ZNF579: variants seen among roughly 807,000 people sequenced by gnomAD.
The protein encoded by ZNF579 is zinc finger protein 579.
A neutral mutation model predicts 5.7 loss-of-function variants in ZNF579; 3 were observed. The observed-to-expected ratio is 0.53, with a 90% CI of 0.24 to 1.36. The LOEUF (loss-of-function observed/expected upper bound fraction) is 1.36, where lower values mean the gene tolerates loss of function less well. Among genes scored for constraint, ZNF579 ranks in the 40% most tolerant of loss-of-function variants. The pLI is 0.16. For synonymous variants in ZNF579, 454 were observed against 409.0 expected, an observed-to-expected ratio of 1.11 and a Z score of -1.33; for missense variants, 679 against 877.6, an observed-to-expected ratio of 0.77 and a Z score of 2.86.
rs1403869756 is a variant in ZNF579 at position 55,579,161 on chromosome 19, C to A, written c.479G>T (p.Gly160Val). Residue 160 changes from glycine to valine, a missense_variant, in exon 2 of 2, where the codon GGG (glycine) becomes GTG (valine). By Grantham distance (109) the Gly-to-Val change is moderately radical (BLOSUM62 -3). This residue lies in a region of ZNF579 where 209 missense variants were observed against 223.4 expected (regional missense o/e 0.94). Transcript: ENST00000325421. ...GSEPPTTAAAGATEEEAVAAW... is the reference protein window; with the variant it reads ...GSEPPTTAAAVATEEEAVAAW... ...TGCGACCGCCTCCTCCTCCGTGGCC[C>A]CTGCTGCAGCGGTGGTGGGCGGCTC... 6.6e-7 allele frequency: 1 copy of A among 1,525,356 alleles called. No individual in the cohort carries two copies. The highest frequency in any genetic ancestry group is 1.2e-5 in the South Asian group (1 of 83,532). 94.5% of individuals were successfully genotyped at this position (1,525,356 alleles called of 1,614,324 possible).
Position 55,577,884 on chromosome 19 carries a change from A to G in ZNF579, c.*67T>C. 3.9e-6 allele frequency: 6 copies of G among 1,537,074 alleles called. No homozygotes were observed. ...GGTAGACAGAGGAGGTGGCTCCTTC[A>G]ACTTCCCTCCTCCATTCTGCAAACC... On this transcript the variant is annotated 3_prime_UTR_variant, in exon 2 of 2. Coordinates refer to ENST00000325421, the MANE Select transcript of ZNF579 (RefSeq NM_152600.3).
Position 55,578,560 on chromosome 19 carries a change from G to T in ZNF579, c.1080C>A (p.Ala360=). 7.0e-7 allele frequency: 1 copy of T among 1,434,502 alleles called. No homozygotes were observed. The highest frequency in any genetic ancestry group is 2.7e-5 in the East Asian group (1 of 36,636). The allele number at this position is 1,434,502 out of a possible 1,614,324, so 88.9% of individuals were successfully genotyped here. A position where few individuals can be genotyped will look rare whatever the true frequency, so the allele number is the denominator to read the frequency against. ...EGGEGAECGG[A]SEGGEGQNGG... is the part of the protein sequence containing the mutation. Reference sequence around the variant, plus strand: ...CGTTCTGCCCTTCTCCCCCTTCCGAGGCACCCCCGCACTCCGCCCCCTCGC... The same window carrying T: ...CGTTCTGCCCTTCTCCCCCTTCCGATGCACCCCCGCACTCCGCCCCCTCGC... Residue 360 remains alanine, a synonymous_variant, in exon 2 of 2, where the codon GCC becomes GCA. Coordinates refer to ENST00000325421, the MANE Select transcript of ZNF579 (RefSeq NM_152600.3).
chr19:55,578,773 C>A lies in ZNF579; in HGVS notation c.867G>T (p.Arg289=). The A allele has an allele frequency of 6.2e-7, 1 of 1,602,212 alleles. No individual in the cohort carries two copies. Among genetic ancestry groups the A allele is most frequent in the Non-Finnish European group, 8.5e-7 (1 of 1,175,106 alleles). The part of the protein sequence containing the change: ...FARPWSLSRH[R]LVHSTDRPFV... Reference sequence around the variant, plus strand: ...AAGGGCGGTCGGTGGAGTGGACCAGCCGGTGGCGCGACAGGGACCAGGGCC... The same window carrying A: ...AAGGGCGGTCGGTGGAGTGGACCAGACGGTGGCGCGACAGGGACCAGGGCC... The change falls in exon 2 of 2, where the codon CGG becomes CGT. Residue 289 remains arginine (R), a synonymous_variant. Transcript: ENST00000325421.
rs1599968846 is a variant in ZNF579, at chr19:55,578,585, C to A, written c.1055G>T (p.Gly352Val). 2.7e-6 allele frequency: 4 copies of A among 1,483,128 alleles called. No homozygotes were observed. Among genetic ancestry groups the A allele is most frequent in the Non-Finnish European group, 3.5e-6 (4 of 1,127,590 alleles). The allele number at this position is 1,483,128 out of a possible 1,614,324, so 91.9% of individuals were successfully genotyped here. The change falls in exon 2 of 2, where the codon GGC becomes GTC. Residue 352 changes from glycine (G) to valine (V), a missense_variant. Coordinates refer to ENST00000325421, the MANE Select transcript of ZNF579 (RefSeq NM_152600.3). ...ARNSAKGPEGGEGAECGGASE... is the reference protein window; with the variant it reads ...ARNSAKGPEGVEGAECGGASE... ...GGCACCCCCGCACTCCGCCCCCTCG[C>A]CCCCCTCCGGCCCCTTGGCTGAGTT...
chr19:55,578,899 C>T lies in ZNF579; in HGVS notation c.741G>A (p.Ala247=). Residue 247 remains alanine, a synonymous_variant, in exon 2 of 2, where the codon GCG becomes GCA. Coordinates refer to ENST00000325421, the MANE Select transcript of ZNF579 (RefSeq NM_152600.3). ...CGCCCTCGGGGCGCAGACACGGGTGCGCCTTGAGCTCGCCCTTGGTGGCGA... is the reference window on the plus strand; with the variant it reads ...CGCCCTCGGGGCGCAGACACGGGTGTGCCTTGAGCTCGCCCTTGGTGGCGA... ...EAFATKGELK[A]HPCLRPEGEQ... 3 of 1,590,634 alleles carry T rather than the reference C, an allele frequency of 1.9e-6. No homozygotes were observed. Among genetic ancestry groups the T allele is most frequent in the South Asian group, 1.1e-5 (1 of 88,484 alleles).
In ZNF579 at chr19:55,579,436, C is replaced by T. The variant is rs1280318558; in HGVS notation, c.204G>A (p.Gly68=). The change falls in exon 2 of 2, where the codon GGG becomes GGA. Residue 68 remains glycine (G), a synonymous_variant. Transcript: ENST00000325421. The part of the protein sequence containing the change: ...YLSRHRLSHS[G]LRPHACPLCP... ...ACAGCGGGCAGGCGTGGGGCCGGAG[C>T]CCCGAGTGGCTCAGCCGGTGCCGGG... 1 of 1,337,026 alleles carries T rather than the reference C, an allele frequency of 7.5e-7. No homozygotes were observed. Among genetic ancestry groups the T allele is most frequent in the Non-Finnish European group, 9.6e-7 (1 of 1,041,754 alleles). The allele number at this position is 1,337,026 out of a possible 1,614,324, so 82.8% of individuals were successfully genotyped here.
In ZNF579 at chr19:55,578,171, G is replaced by A; in HGVS notation, c.1469C>T (p.Pro490Leu). ...TTCTTCCTCCTGCTCGGCCTTCAGG[G>A]GCGGCGGGGGCGGTGGCGGCGACGT... is the stretch of plus-strand genomic sequence containing the variant. ...APTSPPPPPP[P>L]LKAEQEEEGL... Residue 490 changes from proline to leucine, a missense_variant, in exon 2 of 2, where the codon CCC becomes CTC. Coordinates refer to ENST00000325421, the MANE Select transcript of ZNF579 (RefSeq NM_152600.3). The A allele has an allele frequency of 6.7e-7, 1 of 1,503,594 alleles. No homozygotes were observed. Among genetic ancestry groups the A allele is most frequent in the Non-Finnish European group, 8.9e-7 (1 of 1,127,244 alleles). The allele number at this position is 1,503,594 out of a possible 1,614,324, so 93.1% of individuals were successfully genotyped here.
chr19:55,579,577 G>A lies in ZNF579; in HGVS notation c.63C>T (p.Gly21=). ...GSPPHRGRGR[G]RGRGRGRGRG... ...GGCCCCGACCACGGCCTCGGCCACG[G>A]CCCCGGCCTCGGCCACGGTGAGGTG... The change falls in exon 2 of 2, where the codon GGC becomes GGT. Residue 21 remains glycine, a synonymous_variant. Coordinates refer to ENST00000325421, the MANE Select transcript of ZNF579 (RefSeq NM_152600.3). 1 of 1,494,788 alleles carries A rather than the reference G, an allele frequency of 6.7e-7. No homozygotes were observed. The highest frequency in any genetic ancestry group is 2.2e-5 in the Admixed American group (1 of 44,770). 92.6% of individuals were successfully genotyped at this position (1,494,788 alleles called of 1,614,324 possible).
Position 55,578,524 on chromosome 19 carries a change from G to A in ZNF579, c.1116C>T (p.Ala372=), listed in dbSNP as rs538352819. 337 of 1,392,298 alleles carry A rather than the reference G, an allele frequency of 2.4e-4. No individual in the cohort carries two copies. Among genetic ancestry groups the A allele is most frequent in the Middle Eastern group, 7.2e-4 (3 of 4,146 alleles). The allele number at this position is 1,392,298 out of a possible 1,614,324, so 86.2% of individuals were successfully genotyped here. A position where few individuals can be genotyped will look rare whatever the true frequency, so the allele number is the denominator to read the frequency against. Reference sequence around the variant, plus strand: ...CCCCGGCGGGGGGCCGAGCCGGGGCGGCGTCGCCTCCGTTCTGCCCTTCTC... The same window carrying A: ...CCCCGGCGGGGGGCCGAGCCGGGGCAGCGTCGCCTCCGTTCTGCCCTTCTC... ...EGGEGQNGGD[A]APARPPAGEP... The change falls in exon 2 of 2, where the codon GCC becomes GCT. Residue 372 remains alanine, a synonymous_variant. Transcript: ENST00000325421.
chr19:55,579,847 A>AGACAGAGC, intron 1 of ZNF579: 1 of 478,794 alleles, frequency 2.1e-6, no homozygotes, highest in Non-Finnish European at 3.5e-6. Context: ...GAGAGATCAG[A>AGACAGAGC]GACAGAGCGA....
Position 55,577,916 on chromosome 19 carries a change from C to T in ZNF579, c.*35G>A. 1.3e-6 allele frequency: 2 copies of T among 1,556,142 alleles called. No individual in the cohort carries two copies. The highest frequency in any genetic ancestry group is 1.9e-4 in the Middle Eastern group (1 of 5,284). On this transcript the variant is annotated 3_prime_UTR_variant, in exon 2 of 2. Coordinates refer to ENST00000325421, the MANE Select transcript of ZNF579 (RefSeq NM_152600.3). The stretch of plus-strand genomic sequence containing the variant: ...CTCCTCCATTCTGCAAACCGGGGAG[C>T]TCAGGCGGAGCGGCGGAGGGCAGGG...
rs981317332 is a variant in ZNF579 at position 55,578,209 on chromosome 19, C to T, written c.1431G>A (p.Gln477=). The T allele has an allele frequency of 4.8e-6, 7 of 1,465,914 alleles. No individual in the cohort carries two copies. In the African/African-American group the frequency reaches 1.0e-4, roughly 21 times the overall value. 90.8% of individuals were successfully genotyped at this position (1,465,914 alleles called of 1,614,324 possible). ...GTGGCGGCGACGTCGGGGCCTGGGC[C>T]TGCAGTGCCTGCAGCGCGGCGGCCC... ...LERAAALQAL[Q]AQAPTSPPPP... Residue 477 remains glutamine, a synonymous_variant, in exon 2 of 2, where the codon CAG becomes CAA. Coordinates refer to ENST00000325421, the MANE Select transcript of ZNF579 (RefSeq NM_152600.3).
chr19:55,579,326 C>A lies in ZNF579; in HGVS notation c.314G>T (p.Cys105Phe). Residue 105 changes from cysteine to phenylalanine, a missense_variant, in exon 2 of 2, where the codon TGC becomes TTC. By Grantham distance (205) the Cys-to-Phe change is radical (BLOSUM62 -2). This residue lies in a region of ZNF579 where 134 missense variants were observed against 208.9 expected (regional missense o/e 0.64). Transcript: ENST00000325421. ...GPQPPLRCAA[C>F]PRTFPEPAQL... Reference sequence around the variant, plus strand: ...GGCCGGTTCTGGGAAGGTGCGGGGGCAGGCGGCGCAGCGCAGCGGGGGCTG... The same window carrying A: ...GGCCGGTTCTGGGAAGGTGCGGGGGAAGGCGGCGCAGCGCAGCGGGGGCTG... 1 of 1,447,750 alleles carries A rather than the reference C, an allele frequency of 6.9e-7. No individual in the cohort carries two copies. Among genetic ancestry groups the A allele is most frequent in the Non-Finnish European group, 9.1e-7 (1 of 1,104,144 alleles). The allele number at this position is 1,447,750 out of a possible 1,614,324, so 89.7% of individuals were successfully genotyped here.
chr19:55,579,022 C>G lies in ZNF579; in HGVS notation c.618G>C (p.Leu206=), dbSNP rs1440762985. 3.3e-6 allele frequency: 5 copies of G among 1,532,120 alleles called. No individual in the cohort carries two copies. The highest frequency in any genetic ancestry group is 4.4e-6 in the Non-Finnish European group (5 of 1,145,298). The allele number at this position is 1,532,120 out of a possible 1,614,324, so 94.9% of individuals were successfully genotyped here. A position where few individuals can be genotyped will look rare whatever the true frequency, so the allele number is the denominator to read the frequency against. The part of the protein sequence containing the change: ...SEEAEAGAAE[L]RAELALAAGR... ...CGGCCGCCAGCGCCAGCTCGGCCCT[C>G]AGCTCTGCTGCCCCGGCCTCGGCCT... is the stretch of plus-strand genomic sequence containing the variant. The change falls in exon 2 of 2, where the codon CTG becomes CTC. Residue 206 remains leucine, a synonymous_variant. Transcript: ENST00000325421.
Position 55,578,493 on chromosome 19 carries a change from G to T in ZNF579, c.1147C>A (p.Arg383Ser). 7.0e-7 allele frequency: 1 copy of T among 1,422,976 alleles called. No individual in the cohort carries two copies. Among genetic ancestry groups the T allele is most frequent in the Non-Finnish European group, 9.1e-7 (1 of 1,099,480 alleles). 88.1% of individuals were successfully genotyped at this position (1,422,976 alleles called of 1,614,324 possible). ...APARPPAGEP[R>S]FWCPECGKGF... ...TTGCCGCACTCTGGGCACCAGAAGC[G>T]GGGCTCCCCGGCGGGGGGCCGAGCC... Residue 383 changes from arginine (R) to serine (S), a missense_variant, in exon 2 of 2, where the codon CGC becomes AGC. Around this residue, in one of 6 missense-constraint regions of ZNF579, gnomAD observed 114 missense variants for 98.9 expected, o/e 1.15. Coordinates refer to ENST00000325421, the MANE Select transcript of ZNF579 (RefSeq NM_152600.3).
intron 1 of ZNF579, 146 bp from the exon 2 acceptor site, chr19:55,579,787 A>G (rs1979586577): frequency 1.1e-6 from 1 of 922,854 alleles, no homozygotes; most frequent in Non-Finnish European, 1.5e-6. Context: ...TGAGACAGAG[A>G]CAAAGATGAG....
In ZNF579 at chr19:55,579,232, G is replaced by A; in HGVS notation, c.408C>T (p.Ala136=). 6.6e-7 allele frequency: 1 copy of A among 1,522,312 alleles called. No individual in the cohort carries two copies. Among genetic ancestry groups the A allele is most frequent in the Non-Finnish European group, 8.8e-7 (1 of 1,140,436 alleles). The allele number at this position is 1,522,312 out of a possible 1,614,324, so 94.3% of individuals were successfully genotyped here. The change falls in exon 2 of 2, where the codon GCC becomes GCT. Residue 136 remains alanine (A), a synonymous_variant. Transcript: ENST00000325421. ...CCCAGCTGGGTTCGGCCGTCTCCTT[G>A]GCCACCCTCTCGATGGCCAGCTCGA... is the stretch of plus-strand genomic sequence containing the variant. ...GEVELAIERV[A]KETAEPSWGP...
chr19:55,580,297 G>T (rs1329642403), intron 1 of ZNF579, among the ~76,000 whole-genome samples: 1 of 152,108 alleles, frequency 6.6e-6, no homozygotes, highest in Non-Finnish European at 1.5e-5. Flanking sequence ...GAAATAGAGT[G>T]TGTTCTCAGA....
Position 55,579,619 on chromosome 19 carries a change from TG to T in ZNF579, c.20del (p.Pro7HisfsTer58). The stretch of plus-strand genomic sequence containing the variant: ...GGTGAGGTGGGCTGCCCTGGGCGGG[TG>T]GAGGAGGCTGCGGATCCATGCCTGT... MDPQPP[P>X]PAQGSPPHRG... is the part of the protein sequence containing the mutation. On this transcript the variant is annotated frameshift_variant, in exon 2 of 2. Transcript: ENST00000325421. LOFTEE classifies it low-confidence loss of function (END_TRUNC). 6.9e-7 allele frequency: 1 copy of T among 1,453,350 alleles called. No homozygotes were observed. The highest frequency in any genetic ancestry group is 9.0e-7 in the Non-Finnish European group (1 of 1,109,078). The allele number at this position is 1,453,350 out of a possible 1,614,324, so 90.0% of individuals were successfully genotyped here. A position where few individuals can be genotyped will look rare whatever the true frequency, so the allele number is the denominator to read the frequency against.
Sources: gnomAD v4.1 joint callset for allele counts (sites outside exome capture counted in the v4.1 genomes callset) on GRCh38, gnomAD v4.1.1 for gene constraint, gnomAD v4.1.1 regional missense constraint, MANE v1.5 for transcripts, NCBI Gene and HGNC (gene_info 2026-07-23, HGNC 2026-07-21) for gene names.